The following SYN3 variants were observed in gnomAD, a reference collection of about 807,000 sequenced individuals.
The protein encoded by SYN3 is synapsin III, also known as synapsin-3.
Under a neutral mutation model 65.8 loss-of-function variants are expected in SYN3, and 35 were observed. The ratio of observed to expected loss-of-function variants is 0.53; its 90% CI spans 0.41 to 0.70. SYN3 has a LOEUF of 0.70. Among genes scored for constraint, SYN3 ranks in the 30% least tolerant of loss-of-function variants. The probability of loss-of-function intolerance (pLI) is 0.00; values close to 1 mark genes in which losing one functional copy is unlikely to be tolerated. For synonymous variants in SYN3, 270 were observed against 292.9 expected (o/e 0.92, Z 0.80); for missense variants, 680 against 749.0 (o/e 0.91, Z 1.08).
intron 6 of SYN3, among the ~76,000 whole-genome samples, chr22:32,786,517 C>G (rs1034764683): frequency 2.6e-5 from 4 of 152,028 alleles, no homozygotes; most frequent in Non-Finnish European, 5.9e-5. Flanking sequence ...TGCCCGCCAC[C>G]ACGCCCGGCA....
At chr22:33,002,967 G>A (rs555693157) in intron 2 of SYN3, among the ~76,000 whole-genome samples, 14 of 152,268 alleles carry the variant, frequency 9.2e-5, no homozygotes, top group East Asian at 1.9e-4. Context: ...TGCTGCTCTT[G>A]TGGTAGCGAG....
At chr22:32,752,933 A>G (rs762887) in intron 6 of SYN3, among the ~76,000 whole-genome samples, 129,061 of 152,058 alleles carry the variant, frequency 0.85, 55,275 homozygotes, top group African/African-American at 0.96. Flanking sequence ...AATGCAGCAA[A>G]GGGAAAACCG....
chr22:32,543,997 GGC>G (rs2058299236), intron 7 of SYN3, among the ~76,000 whole-genome samples: 1 of 152,170 alleles, frequency 6.6e-6, no homozygotes, highest in African/African-American at 2.4e-5. Flanking sequence ...TGAGTGCTGT[GGC>G]ATGATCATGG....
At position 32,868,739 on chromosome 22, in the gene SYN3, C is replaced by T. The variant is rs369810350; in HGVS notation, c.621+227G>A. Among the ~76,000 whole-genome samples, 15 of 152,210 alleles carry T rather than the reference C, an allele frequency of 9.9e-5. No homozygotes were observed. In the East Asian group the frequency reaches 1.2e-3, roughly 12 times the overall value. On this transcript the variant is annotated intron_variant, in intron 5 of 13. Transcript: ENST00000358763. ...GTGCTGGGATTACAGGCATAAGCCA[C>T]CGTGCCCGGCCTATAAATATTTACC...
chr22:32,782,861 T>C (rs1434869609), intron 6 of SYN3, among the ~76,000 whole-genome samples: 2 of 152,230 alleles, frequency 1.3e-5, no homozygotes, highest in Non-Finnish European at 2.9e-5. Flanking sequence ...CCTCAGCCTA[T>C]GGATCTGCGC....
At chr22:32,749,225 G>C (rs1052672797) in intron 6 of SYN3, among the ~76,000 whole-genome samples, 2 of 151,948 alleles carry the variant, frequency 1.3e-5, no homozygotes, top group African/African-American at 4.8e-5. Flanking sequence ...GGATCTTTCT[G>C]GGGTCTTTTT....
At chr22:32,645,295 T>C (rs2059967041) in intron 6 of SYN3, among the ~76,000 whole-genome samples, 1 of 151,836 alleles carries the variant, frequency 6.6e-6, no homozygotes. Context: ...CTACTACAAA[T>C]ACAAAATTAG....
At chr22:32,977,001 G>A (rs1001238669) in intron 3 of SYN3, among the ~76,000 whole-genome samples, 1 of 151,918 alleles carries the variant, frequency 6.6e-6, no homozygotes, top group Admixed American at 6.6e-5. Context: ...TCCTGGGGGG[G>A]GGGTTGCTTG....
rs1037297686 is a variant in SYN3, at chr22:32,511,512, G to C, written c.*2180C>G. Among the ~76,000 whole-genome samples the C allele has an allele frequency of 6.6e-6, 1 of 152,220 alleles. No individual in the cohort carries two copies. The highest frequency in any genetic ancestry group is 1.5e-5 in the Non-Finnish European group (1 of 68,038). ...CAGGCTGAGCAAAAAGAAGGGAGAT[G>C]TGTTACTGGGCAGAGTGAGCTCCAG... On this transcript the variant is annotated 3_prime_UTR_variant, in exon 14 of 14. Transcript: ENST00000358763.
At chr22:32,759,305 C>T (rs1056036900) in intron 6 of SYN3, among the ~76,000 whole-genome samples, 1 of 152,142 alleles carries the variant, frequency 6.6e-6, no homozygotes, top group East Asian at 1.9e-4. Flanking sequence ...CTGTCAATTC[C>T]CTCTTGGTAA....
chr22:32,540,143 T>C (rs1478770077), intron 8 of SYN3, among the ~76,000 whole-genome samples: 1 of 152,182 alleles, frequency 6.6e-6, no homozygotes, highest in Non-Finnish European at 1.5e-5. Flanking sequence ...ACAGAGACGA[T>C]ATAGCCCGTC....
At chr22:32,987,300 A>G (rs2052556689) in intron 2 of SYN3, among the ~76,000 whole-genome samples, 1 of 152,218 alleles carries the variant, frequency 6.6e-6, no homozygotes, top group Non-Finnish European at 1.5e-5. Flanking sequence ...TGGGCTGTGC[A>G]GAAAATGAAG....
chr22:32,686,763 T>G (rs2060595538), intron 6 of SYN3, among the ~76,000 whole-genome samples: 15 of 151,838 alleles, frequency 9.9e-5, no homozygotes. Flanking sequence ...GTCCATCTAA[T>G]TTTTTGTATT....
At chr22:32,672,139 G>T (rs1350171854) in intron 6 of SYN3, among the ~76,000 whole-genome samples, 1 of 152,150 alleles carries the variant, frequency 6.6e-6, no homozygotes, top group Non-Finnish European at 1.5e-5. Context: ...GGCTGGATGT[G>T]TCCTTTCACT....
At chr22:32,578,564 C>G (rs1050677773) in intron 7 of SYN3, among the ~76,000 whole-genome samples, 4 of 152,180 alleles carry the variant, frequency 2.6e-5, no homozygotes, top group African/African-American at 9.7e-5. Flanking sequence ...CAATATTTTT[C>G]AAACTGTGAG....
chr22:32,521,417 C>A (rs1400164350), intron 12 of SYN3, among the ~76,000 whole-genome samples: 1 of 148,512 alleles, frequency 6.7e-6, no homozygotes, highest in Non-Finnish European at 1.5e-5. Flanking sequence ...TGCTGGAAAT[C>A]TAGATGTTTA....
chr22:32,785,653 A>T (rs575416915), intron 6 of SYN3, among the ~76,000 whole-genome samples: 3 of 152,342 alleles, frequency 2.0e-5, no homozygotes, highest in Admixed American at 1.3e-4. Context: ...AAAAGAAAGT[A>T]GTCAAACTTT....
chr22:32,986,366 T>A (rs1420812016), intron 2 of SYN3, among the ~76,000 whole-genome samples: 1 of 152,198 alleles, frequency 6.6e-6, no homozygotes, highest in Non-Finnish European at 1.5e-5. Context: ...CAAGCAGCTG[T>A]GGTCTTGATG....
chr22:32,672,139 G>A (rs1350171854), intron 6 of SYN3, among the ~76,000 whole-genome samples: 3 of 152,150 alleles, frequency 2.0e-5, no homozygotes, highest in African/African-American at 7.2e-5. Flanking sequence ...GGCTGGATGT[G>A]TCCTTTCACT....
Sources: gnomAD v4.1 joint callset for allele counts (sites outside exome capture counted in the v4.1 genomes callset) on GRCh38, gnomAD v4.1.1 for gene constraint, MANE v1.5 for transcripts, NCBI Gene and HGNC (gene_info 2026-07-23, HGNC 2026-07-21) for gene names.